GPATCH2: variants seen among roughly 807,000 people sequenced by gnomAD.
GPATCH2 encodes G-patch domain containing 2.
GPATCH2 carries 51 observed loss-of-function variants against 58.0 expected under a neutral mutation model. That is an observed-to-expected ratio of 0.88 (90% CI 0.70 to 1.11). The LOEUF (loss-of-function observed/expected upper bound fraction) is 1.11, where lower values mean the gene tolerates loss of function less well. Among genes scored for constraint, GPATCH2 ranks in the 50% most tolerant of loss-of-function variants. GPATCH2 has a pLI of 0.00. For missense variants in GPATCH2, 625 were observed against 652.2 expected, an observed-to-expected ratio of 0.96 and a Z score of 0.45; for synonymous variants, 222 against 218.5, an observed-to-expected ratio of 1.02 and a Z score of -0.14.
chr1:217,530,604 G>C (rs1664139896), intron 5 of GPATCH2, among the ~76,000 whole-genome samples: 1 of 151,964 alleles, frequency 6.6e-6, no homozygotes, highest in Admixed American at 6.6e-5. Flanking sequence ...TATTTATTGG[G>C]GCCATCACCA....
At chr1:217,493,419 T>C (rs1469008905) in intron 7 of GPATCH2, among the ~76,000 whole-genome samples, 1 of 152,108 alleles carries the variant, frequency 6.6e-6, no homozygotes, top group Non-Finnish European at 1.5e-5. Flanking sequence ...TACCATGCTG[T>C]TGCTCATCTC....
At chr1:217,498,325 T>C (rs1662112566) in intron 7 of GPATCH2, 31 bp downstream of exon 7, 1 of 1,560,400 alleles carries the variant, frequency 6.4e-7, no homozygotes, top group Non-Finnish European at 8.8e-7. Context: ...AGAGGCTGAG[T>C]AACTTCCTTT....
At chr1:217,541,670 A>C (rs890156758) in intron 5 of GPATCH2, among the ~76,000 whole-genome samples, 1 of 152,214 alleles carries the variant, frequency 6.6e-6, no homozygotes, top group Non-Finnish European at 1.5e-5. Context: ...TCAGCCACAT[A>C]AGTATCCTAA....
chr1:217,525,907 C>T (rs1194374521), intron 5 of GPATCH2, among the ~76,000 whole-genome samples: 1 of 152,144 alleles, frequency 6.6e-6, no homozygotes, highest in African/African-American at 2.4e-5. Context: ...TTACAAACTA[C>T]TTAAATTATT....
At chr1:217,465,885 C>G (rs956600058) in intron 8 of GPATCH2, among the ~76,000 whole-genome samples, 1 of 152,164 alleles carries the variant, frequency 6.6e-6, no homozygotes, top group Non-Finnish European at 1.5e-5. Flanking sequence ...AACTCTTGGC[C>G]TTTAAAGAAA....
At chr1:217,483,094 C>T (rs576944597) in intron 8 of GPATCH2, among the ~76,000 whole-genome samples, 2 of 152,094 alleles carry the variant, frequency 1.3e-5, no homozygotes, top group Non-Finnish European at 2.9e-5. Flanking sequence ...TACTCTCTGT[C>T]GAAGTTTTAG....
chr1:217,617,438 C>T (rs1668940419), intron 2 of GPATCH2, among the ~76,000 whole-genome samples: 1 of 152,170 alleles, frequency 6.6e-6, no homozygotes, highest in Non-Finnish European at 1.5e-5. Context: ...CTATCCCAGA[C>T]TATGCAGCTG....
intron 8 of GPATCH2, among the ~76,000 whole-genome samples, chr1:217,469,749 A>G (rs1325192281): frequency 6.6e-6 from 1 of 152,160 alleles, no homozygotes; most frequent in Non-Finnish European, 1.5e-5. Context: ...GTAAATATTC[A>G]AGGGTTGATG....
chr1:217,466,955 C>T (rs905748941), intron 8 of GPATCH2, among the ~76,000 whole-genome samples: 2 of 152,110 alleles, frequency 1.3e-5, no homozygotes, highest in Admixed American at 6.5e-5. Context: ...GGCGGATTGC[C>T]TGAGGTCAGG....
chr1:217,518,584 G>A (rs1019814126), intron 5 of GPATCH2, among the ~76,000 whole-genome samples: 12 of 152,076 alleles, frequency 7.9e-5, no homozygotes, highest in Non-Finnish European at 1.5e-4. Flanking sequence ...CTCCAAATCA[G>A]GTAAACCTAT....
chr1:217,611,041 T>G lies in GPATCH2; in HGVS notation c.866A>C (p.Glu289Ala). 1.2e-6 allele frequency: 2 copies of G among 1,613,536 alleles called. No individual in the cohort carries two copies. The highest frequency in any genetic ancestry group is 1.7e-6 in the Non-Finnish European group (2 of 1,179,758). The change falls in exon 4 of 10, where the codon GAA becomes GCA. Residue 289 changes from glutamate to alanine, a missense_variant. Coordinates refer to ENST00000366935, the MANE Select transcript of GPATCH2 (RefSeq NM_018040.5). ...GDDEQSDWFY[E>A]KESGGACGIT... ...ACCACATGCTCCACCTGATTCCTTT[T>G]CGTAGAACCAGTCACTCTGTTCATC...
At chr1:217,540,248 A>C (rs970217840) in intron 5 of GPATCH2, among the ~76,000 whole-genome samples, 1 of 152,128 alleles carries the variant, frequency 6.6e-6, no homozygotes, top group African/African-American at 2.4e-5. Flanking sequence ...GAGGGAGAAA[A>C]ACCAGACAGA....
rs199512414 is a variant in GPATCH2, at chr1:217,628,409, GA to G, written c.56+2506del. On this transcript the variant is annotated intron_variant, in intron 1 of 9. Coordinates refer to ENST00000366935, the MANE Select transcript of GPATCH2 (RefSeq NM_018040.5). ...GCTAAGAAGCTATAACAAATTTAAT[GA>G]ATTACTTGAACAAAATCATACTGTT... Among the ~76,000 whole-genome samples the G allele has an allele frequency of 8.2e-3, 1,243 of 151,992 alleles. 15 individuals carry two copies. The highest frequency in any genetic ancestry group is 0.022 in the African/African-American group (931 of 41,502).
At chr1:217,555,670 C>T (rs1012414988) in intron 5 of GPATCH2, among the ~76,000 whole-genome samples, 1 of 152,172 alleles carries the variant, frequency 6.6e-6, no homozygotes, top group African/African-American at 2.4e-5. Context: ...TCCAGGTTAT[C>T]ACTTGGTGGA....
chr1:217,479,518 G>A (rs6604550), intron 8 of GPATCH2, among the ~76,000 whole-genome samples: 24,515 of 151,730 alleles, frequency 0.16, 4,173 homozygotes, highest in African/African-American at 0.44. Flanking sequence ...TACAACAGAT[G>A]ACACAAAAAA....
At chr1:217,481,426 A>G (rs570259401) in intron 8 of GPATCH2, among the ~76,000 whole-genome samples, 1 of 152,358 alleles carries the variant, frequency 6.6e-6, no homozygotes, top group East Asian at 1.9e-4. Context: ...AACAGTTGAG[A>G]GTAGTTTCCT....
intron 5 of GPATCH2, among the ~76,000 whole-genome samples, chr1:217,525,796 TAAC>T (rs926197562): frequency 6.6e-6 from 1 of 152,160 alleles, no homozygotes; most frequent in Non-Finnish European, 1.5e-5. Context: ...TTTGAGGACA[TAAC>T]AAATTATTAA....
intron 9 of GPATCH2, among the ~76,000 whole-genome samples, chr1:217,443,683 CCT>C (rs1274374030): frequency 1.3e-5 from 2 of 152,032 alleles, no homozygotes; most frequent in African/African-American, 4.8e-5. Flanking sequence ...AGTCCTTCAG[CCT>C]CTTTTATATT....
At chr1:217,511,403 A>C (rs1662843735) in intron 6 of GPATCH2, among the ~76,000 whole-genome samples, 1 of 152,202 alleles carries the variant, frequency 6.6e-6, no homozygotes, top group South Asian at 2.1e-4. Flanking sequence ...GAAGCAAGGG[A>C]TTTGAAAATT....
Sources: gnomAD v4.1 joint callset for allele counts (sites outside exome capture counted in the v4.1 genomes callset) on GRCh38, gnomAD v4.1.1 for gene constraint, MANE v1.5 for transcripts, NCBI Gene and HGNC (gene_info 2026-07-23, HGNC 2026-07-21) for gene names.